The following PRDM2 variants were observed in gnomAD, a reference collection of about 807,000 sequenced individuals.
The protein encoded by PRDM2 is PR/SET domain 2.
In PRDM2, 30 loss-of-function variants were observed where a neutral mutation model predicts 130.0. The observed-to-expected ratio is 0.23, with a 90% CI of 0.17 to 0.31. The LOEUF (loss-of-function observed/expected upper bound fraction) is 0.31. Among genes scored for constraint, PRDM2 ranks in the 10% least tolerant of loss-of-function variants. PRDM2 has a pLI of 1.00. For missense variants in PRDM2, 2,011 were observed against 2,108.4 expected (o/e 0.95, Z 0.90); for synonymous variants, 871 against 782.4 (o/e 1.11, Z -1.89).
chr1:13,786,439 A>C, intron 8 of PRDM2: 5 of 1,558,454 alleles, frequency 3.2e-6, no homozygotes, highest in Non-Finnish European at 4.4e-6. Context: ...CGGTCTATTC[A>C]CCTTTTTCTT....
At position 13,778,826 on chromosome 1, in the gene PRDM2, C is replaced by T; in HGVS notation, c.1031C>T (p.Pro344Leu). 1 of 1,614,154 alleles carries T rather than the reference C, an allele frequency of 6.2e-7. No individual in the cohort carries two copies. Among genetic ancestry groups the T allele is most frequent in the Non-Finnish European group, 8.5e-7 (1 of 1,180,044 alleles). The change falls in exon 8 of 10, where the codon CCC becomes CTC. Residue 344 changes from proline (P) to leucine (L), a missense_variant. Physicochemically the swap from Pro to Leu is moderately conservative, Grantham distance 98. This residue lies in a region of PRDM2 where 1,288 missense variants were observed against 1,237.7 expected (regional missense o/e 1.04). Coordinates refer to ENST00000311066, the MANE Select transcript of PRDM2 (RefSeq NM_001393986.1). ...CSEVTPAMQIPRTKEEANGDV... is the reference protein window; with the variant it reads ...CSEVTPAMQILRTKEEANGDV... Reference sequence around the variant, plus strand: ...GAGGTAACACCTGCCATGCAAATCCCCAGAACTAAAGAAGAGGCCAATGGT... The same window carrying T: ...GAGGTAACACCTGCCATGCAAATCCTCAGAACTAAAGAAGAGGCCAATGGT...
intron 6 of PRDM2, among the ~76,000 whole-genome samples, chr1:13,766,374 A>G (rs1012582469): frequency 6.6e-6 from 1 of 152,256 alleles, no homozygotes; most frequent in African/African-American, 2.4e-5. Context: ...AATGAAAGAA[A>G]TACCAAGTTG....
In PRDM2 at chr1:13,783,188, A is replaced by C. The variant is rs180951561; in HGVS notation, c.5036+357A>C. 3,203 of 524,752 alleles carry C rather than the reference A, an allele frequency of 6.1e-3. 65 individuals are homozygous for C. The highest frequency in any genetic ancestry group is 0.035 in the South Asian group (2,467 of 69,876). 32.5% of individuals were successfully genotyped at this position (524,752 alleles called of 1,614,324 possible). ...TCAGTGTCATGTGTCTTATTTTCCGATCATAGAACATTTCTTAGGTTAAGA... is the reference window on the plus strand; with the variant it reads ...TCAGTGTCATGTGTCTTATTTTCCGCTCATAGAACATTTCTTAGGTTAAGA... On this transcript the variant is annotated intron_variant, in intron 8 of 9. Transcript: ENST00000311066.
chr1:13,755,468 C>T (rs1459903904), intron 6 of PRDM2, among the ~76,000 whole-genome samples: 1 of 151,920 alleles, frequency 6.6e-6, no homozygotes, highest in South Asian at 2.1e-4. Context: ...AAATAAAGTT[C>T]GATTATGATT....
At chr1:13,714,773 G>C (rs767056648) in intron 1 of PRDM2, among the ~76,000 whole-genome samples, 2 of 152,166 alleles carry the variant, frequency 1.3e-5, no homozygotes, top group Non-Finnish European at 2.9e-5. Flanking sequence ...GTATGTAAAC[G>C]TGGGAAATGT....
intron 2 of PRDM2, among the ~76,000 whole-genome samples, chr1:13,720,441 A>T (rs1394330536): frequency 1.3e-5 from 2 of 152,276 alleles, no homozygotes; most frequent in South Asian, 2.1e-4. Flanking sequence ...TGGTCAAAGA[A>T]GTGTGGGCTC....
At position 13,778,441 on chromosome 1, in the gene PRDM2, C is replaced by A; in HGVS notation, c.646C>A (p.Pro216Thr). 1 of 1,611,184 alleles carries A rather than the reference C, an allele frequency of 6.2e-7. No individual in the cohort carries two copies. Among genetic ancestry groups the A allele is most frequent in the Non-Finnish European group, 8.5e-7 (1 of 1,179,010 alleles). Reference protein sequence around the residue: ...AEGPKEDEEKPSASALEQPAT... With the variant: ...AEGPKEDEEKTSASALEQPAT... The stretch of plus-strand genomic sequence containing the variant: ...AGGTCCTAAAGAAGACGAAGAGAAG[C>A]CTTCAGCCTCAGCACTTGAGCAGCC... Residue 216 changes from proline (P) to threonine (T), a missense_variant, in exon 8 of 10, where the codon CCT becomes ACT. Around this residue, in one of 5 missense-constraint regions of PRDM2, gnomAD observed 1,288 missense variants for 1,237.7 expected, o/e 1.04. Transcript: ENST00000311066.
chr1:13,768,392 T>G (rs1644283095), intron 6 of PRDM2, among the ~76,000 whole-genome samples: 1 of 151,122 alleles, frequency 6.6e-6, no homozygotes, highest in South Asian at 2.1e-4. Flanking sequence ...CTTCTTTTTT[T>G]TTTTAAGATG....
intron 4 of PRDM2, chr1:13,738,929 C>A (rs1463775273): frequency 6.7e-6 from 1 of 149,522 alleles, no homozygotes; most frequent in Non-Finnish European, 1.5e-5. Context: ...GGAATTTGAA[C>A]ATACCAAGAA....
intron 6 of PRDM2, chr1:13,770,176 T>C (rs1569954048): frequency 3.1e-6 from 1 of 325,668 alleles, no homozygotes; most frequent in Non-Finnish European, 6.1e-6. Context: ...GTTTCCAGGG[T>C]CATGGCTTTT....
intron 6 of PRDM2, among the ~76,000 whole-genome samples, chr1:13,761,809 GCT>G (rs1644104589): frequency 6.6e-6 from 1 of 152,148 alleles, no homozygotes; most frequent in Non-Finnish European, 1.5e-5. Context: ...TACACTCACA[GCT>G]TACACTGTTA....
intron 4 of PRDM2, among the ~76,000 whole-genome samples, chr1:13,740,625 CAATT>C (rs142930651): frequency 0.01 from 1,571 of 152,274 alleles, 9 homozygotes; most frequent in Middle Eastern, 0.024. Context: ...TTCTTTATGA[CAATT>C]AAACAGGTGA....
chr1:13,779,028 C>T lies in PRDM2; in HGVS notation c.1233C>T (p.Arg411=). Residue 411 remains arginine, a synonymous_variant, in exon 8 of 10, where the codon CGC becomes CGT. Transcript: ENST00000311066. This position sits in a 1 kb window ranked among gnomAD's most constrained non-coding sequence, Gnocchi z 4.9. ...TQINRRRHER[R]HEAGLKRKPS... is the part of the protein sequence containing the mutation. ...TTAACCGGCGGCGACATGAGCGGCGCCATGAAGCAGGGTTAAAGCGGAAAC... is the reference window on the plus strand; with the variant it reads ...TTAACCGGCGGCGACATGAGCGGCGTCATGAAGCAGGGTTAAAGCGGAAAC... 1 of 1,614,148 alleles carries T rather than the reference C, an allele frequency of 6.2e-7. No individual in the cohort carries two copies. Among genetic ancestry groups the T allele is most frequent in the Non-Finnish European group, 8.5e-7 (1 of 1,180,024 alleles).
At chr1:13,820,107 C>T (rs1279963414) in intron 9 of PRDM2, among the ~76,000 whole-genome samples, 1 of 152,202 alleles carries the variant, frequency 6.6e-6, no homozygotes, top group African/African-American at 2.4e-5. Flanking sequence ...CTGGCATCAA[C>T]ACTCTGGTCT....
chr1:13,753,572 A>G (rs150536558), intron 6 of PRDM2, among the ~76,000 whole-genome samples: 1 of 152,374 alleles, frequency 6.6e-6, no homozygotes, highest in Non-Finnish European at 1.5e-5. Context: ...ACAAGCCTTT[A>G]GAAACTTAAA....
chr1:13,808,147 G>C (rs894546876), intron 8 of PRDM2, among the ~76,000 whole-genome samples: 4 of 152,170 alleles, frequency 2.6e-5, no homozygotes, highest in African/African-American at 9.7e-5. Context: ...TTCAACCACT[G>C]TGTATGAAAA....
rs1433922238 is a variant in PRDM2, at chr1:13,769,757, A to C, written c.512-3321A>C. On this transcript the variant is annotated intron_variant, in intron 6 of 9. Coordinates refer to ENST00000311066, the MANE Select transcript of PRDM2 (RefSeq NM_001393986.1). The stretch of plus-strand genomic sequence containing the variant: ...TTTAGTTCTTCATCTCTCCATTTTT[A>C]GAATTGGCTTATTAGTGTTATTCAA... Among the ~76,000 whole-genome samples, 4 of 152,178 alleles carry C rather than the reference A, an allele frequency of 2.6e-5. No individual in the cohort carries two copies. In the East Asian group the frequency reaches 7.7e-4, roughly 29 times the overall value.
chr1:13,819,048 C>T (rs1300611042), intron 9 of PRDM2, among the ~76,000 whole-genome samples: 1 of 152,224 alleles, frequency 6.6e-6, no homozygotes, highest in Non-Finnish European at 1.5e-5. Flanking sequence ...ACAATTCCGA[C>T]TCTGGGAACC....
intron 6 of PRDM2, among the ~76,000 whole-genome samples, chr1:13,758,920 G>A (rs12087415): frequency 6.6e-6 from 1 of 152,148 alleles, no homozygotes; most frequent in Admixed American, 6.5e-5. Context: ...TACTGTGTGT[G>A]TGGTATATAA....
Sources: gnomAD v4.1 joint callset for allele counts (sites outside exome capture counted in the v4.1 genomes callset) on GRCh38, gnomAD v4.1.1 for gene constraint, gnomAD v4.1.1 regional missense constraint, Gnocchi (gnomAD v3.1) non-coding constraint, MANE v1.5 for transcripts, NCBI Gene and HGNC (gene_info 2026-07-23, HGNC 2026-07-21) for gene names.